SPATA31A1: variants seen among roughly 807,000 people sequenced by gnomAD.
The protein encoded by SPATA31A1 is spermatogenesis-associated protein 31A1.
For missense variants in SPATA31A1, 579 were observed against 1,476.3 expected, an observed-to-expected ratio of 0.39 and a Z score of 9.96; for synonymous variants, 194 against 573.4, an observed-to-expected ratio of 0.34 and a Z score of 9.45.
Position 39,358,651 on chromosome 9 carries a change from T to A in SPATA31A1, c.886T>A (p.Ser296Thr). 6 of 1,607,646 alleles carry A rather than the reference T, an allele frequency of 3.7e-6. No individual in the cohort carries two copies. Among genetic ancestry groups the A allele is most frequent in the Non-Finnish European group, 5.1e-6 (6 of 1,179,662 alleles). ...TARTSCAFNSSVQQDHLSRHP... is the reference protein window; with the variant it reads ...TARTSCAFNSTVQQDHLSRHP... ...CAGAACCTCGTGCGCCTTTAACTCA[T>A]CAGTCCAGCAAGATCATCTTTCCCG... Residue 296 changes from serine (S) to threonine (T), a missense_variant, in exon 4 of 4, where the codon TCA becomes ACA. Physicochemically the swap from Ser to Thr is moderately conservative, Grantham distance 58. Coordinates refer to ENST00000377647, the MANE Select transcript of SPATA31A1 (RefSeq NM_001085452.4).
intron 3 of SPATA31A1, 31 bp from the exon 4 acceptor site, chr9:39,358,043 G>T: frequency 3.5e-6 from 2 of 565,006 alleles, no homozygotes; most frequent in South Asian, 2.1e-5. Context: ...ACCGGCTCCT[G>T]GCTGCAGCTC....
rs1220517183 is a variant in SPATA31A1, at chr9:39,361,828, C to A, written c.*19C>A. On this transcript the variant is annotated 3_prime_UTR_variant, in exon 4 of 4. Transcript: ENST00000377647. The stretch of plus-strand genomic sequence containing the variant: ...TATCTGATTTGGTCAGTCACAAATT[C>A]TTTTTTAGCCTTCCCTGGAGAAAAA... 22 of 1,608,588 alleles carry A rather than the reference C, an allele frequency of 1.4e-5. No homozygotes were observed. Among genetic ancestry groups the A allele is most frequent in the Non-Finnish European group, 1.7e-5 (20 of 1,179,270 alleles).
Position 39,359,183 on chromosome 9 carries a change from C to T in SPATA31A1, c.1418C>T (p.Ser473Phe), listed in dbSNP as rs1167596284. ...CTGCTTTTCCAGGCCCAGCCCCCGT[C>T]CCATCTGGGGCCCGAGTGCCAACCC... ...SPLLFQAQPP[S>F]HLGPECQPFI... The change falls in exon 4 of 4, where the codon TCC becomes TTC. Residue 473 changes from serine (S) to phenylalanine (F), a missense_variant. Physicochemically the swap from Ser to Phe is radical, Grantham distance 155. Coordinates refer to ENST00000377647, the MANE Select transcript of SPATA31A1 (RefSeq NM_001085452.4). 1.2e-6 allele frequency: 2 copies of T among 1,611,770 alleles called. No homozygotes were observed. The highest frequency in any genetic ancestry group is 2.7e-5 in the African/African-American group (2 of 74,658).
chr9:39,361,058 A>G lies in SPATA31A1; in HGVS notation c.3293A>G (p.Lys1098Arg), dbSNP rs781707690. Residue 1098 changes from lysine to arginine, a missense_variant, in exon 4 of 4, where the codon AAG (lysine) becomes AGG (arginine). By Grantham distance (26) the Lys-to-Arg change is conservative. Coordinates refer to ENST00000377647, the MANE Select transcript of SPATA31A1 (RefSeq NM_001085452.4). ...AACCCAAACTGTCAAGGCTCATGCA[A>G]GAACCAAAGGCCAATGTTTCCCCCT... Reference protein sequence around the residue: ...PRNPNCQGSCKNQRPMFPPIH... With the variant: ...PRNPNCQGSCRNQRPMFPPIH... The G allele has an allele frequency of 9.0e-5, 145 of 1,610,664 alleles. 2 individuals are homozygous for G. Among genetic ancestry groups the G allele is most frequent in the Non-Finnish European group, 1.2e-4 (137 of 1,179,424 alleles).
At position 39,361,169 on chromosome 9, in the gene SPATA31A1, C is replaced by T. The variant is rs1347518637; in HGVS notation, c.3404C>T (p.Pro1135Leu). 1.9e-5 allele frequency: 30 copies of T among 1,611,106 alleles called. No homozygotes were observed. The South Asian group carries it at 2.6e-4, about 14-fold the overall frequency. Residue 1135 changes from proline (P) to leucine (L), a missense_variant, in exon 4 of 4, where the codon CCA becomes CTA. Transcript: ENST00000377647. ...LEGLRTPQLT[P>L]VRKTEDTHQD... ...GGATTGAGGACTCCTCAACTTACCC[C>T]AGTCAGGAAAACAGAAGACACCCAT...
In SPATA31A1 at chr9:39,361,016, T is replaced by G. The variant is rs1344619117; in HGVS notation, c.3251T>G (p.Val1084Gly). The G allele has an allele frequency of 1.2e-6, 2 of 1,610,838 alleles. No homozygotes were observed. The highest frequency in any genetic ancestry group is 2.2e-5 in the South Asian group (2 of 90,918). Residue 1084 changes from valine to glycine, a missense_variant, in exon 4 of 4, where the codon GTG becomes GGG. Transcript: ENST00000377647. ...ATGGCAGCCAGAAGGAGCAAACTGG[T>G]GCACGAGGAGCCCAGAAACCCAAAC... ...DLMAARRSKL[V>G]HEEPRNPNCQ...
In SPATA31A1 at chr9:39,361,865, G is replaced by A. The variant is rs1823477639; in HGVS notation, c.*56G>A. 9.3e-6 allele frequency: 15 copies of A among 1,606,016 alleles called. No homozygotes were observed. The East Asian group carries it at 3.3e-4, about 36-fold the overall frequency. ...TCCCTGGAGAAAAAGAAGTCCCCAA[G>A]AAAAAATTCACTCTATGTAGAGAAA... On this transcript the variant is annotated 3_prime_UTR_variant, in exon 4 of 4. Transcript: ENST00000377647.
Position 39,358,717 on chromosome 9 carries a change from T to A in SPATA31A1, c.952T>A (p.Phe318Ile), listed in dbSNP as rs1823389798. 7 of 1,606,694 alleles carry A rather than the reference T, an allele frequency of 4.4e-6. No homozygotes were observed. Among genetic ancestry groups the A allele is most frequent in the Non-Finnish European group, 5.9e-6 (7 of 1,179,744 alleles). The change falls in exon 4 of 4, where the codon TTT becomes ATT. Residue 318 changes from phenylalanine (F) to isoleucine (I), a missense_variant. Coordinates refer to ENST00000377647, the MANE Select transcript of SPATA31A1 (RefSeq NM_001085452.4). ...CTACCAGATGGAAGCTGGTAGCCTGTTTTTGCTCAGCTCTGATGGCCAGAA... is the reference window on the plus strand; with the variant it reads ...CTACCAGATGGAAGCTGGTAGCCTGATTTTGCTCAGCTCTGATGGCCAGAA... The part of the protein sequence containing the change: ...ETYQMEAGSL[F>I]LLSSDGQNAV...
chr9:39,357,007 A>AACC (rs1823346658), intron 1 of SPATA31A1, 125 bp from the exon 2 acceptor site: 1 of 1,044,388 alleles, frequency 9.6e-7, no homozygotes, highest in African/African-American at 1.7e-5. Flanking sequence ...TCCTGAGTGC[A>AACC]GCATGCTGCG....
Position 39,361,667 on chromosome 9 carries a change from G to C in SPATA31A1, c.3902G>C (p.Trp1301Ser). The C allele has an allele frequency of 6.2e-7, 1 of 1,613,120 alleles. No individual in the cohort carries two copies. Among genetic ancestry groups the C allele is most frequent in the South Asian group, 1.1e-5 (1 of 91,022 alleles). ...LKSVRCNNEQ[W>S]GLRHPQILHP... ...AGTGTGCGGTGCAACAATGAGCAAT[G>C]GGGCCTGCGACATCCCCAAATCTTG... Residue 1301 changes from tryptophan (W) to serine (S), a missense_variant, in exon 4 of 4, where the codon TGG (tryptophan) becomes TCG (serine). Transcript: ENST00000377647.
chr9:39,356,429 C>T (rs1306437653), intron 1 of SPATA31A1, among the ~76,000 whole-genome samples: 1 of 123,988 alleles, frequency 8.1e-6, no homozygotes, highest in African/African-American at 3.2e-5. Context: ...GTTCCTGGAG[C>T]AGAGGAACAG....
Position 39,358,804 on chromosome 9 carries a change from G to A in SPATA31A1, c.1039G>A (p.Val347Ile). 1.9e-6 allele frequency: 3 copies of A among 1,598,286 alleles called. No individual in the cohort carries two copies. The highest frequency in any genetic ancestry group is 1.7e-5 in the Admixed American group (1 of 59,998). The change falls in exon 4 of 4, where the codon GTT (valine) becomes ATT (isoleucine). Residue 347 changes from valine (V) to isoleucine (I), a missense_variant. Transcript: ENST00000377647. The part of the protein sequence containing the change: ...KVNIWEEKEN[V>I]GSFTDRMTPE... Reference sequence around the variant, plus strand: ...CAACATTTGGGAAGAAAAAGAAAATGTTGGATCATTTACAGATCGAATGAC... The same window carrying A: ...CAACATTTGGGAAGAAAAAGAAAATATTGGATCATTTACAGATCGAATGAC...
Position 39,361,008 on chromosome 9 carries a change from C to G in SPATA31A1, c.3243C>G (p.Ser1081Arg). The G allele has an allele frequency of 6.2e-7, 1 of 1,610,842 alleles. No homozygotes were observed. Among genetic ancestry groups the G allele is most frequent in the Non-Finnish European group, 8.5e-7 (1 of 1,179,704 alleles). ...ATGACCTTATGGCAGCCAGAAGGAG[C>G]AAACTGGTGCACGAGGAGCCCAGAA... ...ELHDLMAARR[S>R]KLVHEEPRNP... is the part of the protein sequence containing the mutation. The change falls in exon 4 of 4, where the codon AGC (serine) becomes AGG (arginine). Residue 1081 changes from serine to arginine, a missense_variant. Transcript: ENST00000377647.
At chr9:39,356,454 C>T (rs1384972364) in intron 1 of SPATA31A1, among the ~76,000 whole-genome samples, 3 of 123,884 alleles carry the variant, frequency 2.4e-5, no homozygotes, top group South Asian at 2.7e-4. Context: ...TGAAGGTGTC[C>T]GTGGTGGACC....
rs767981580 is a variant in SPATA31A1 at position 39,361,272 on chromosome 9, A to G, written c.3507A>G (p.Gln1169=). ...SVSHFGGNIK[Q]FFQWIFSKKK... The stretch of plus-strand genomic sequence containing the variant: ...GCCACTTTGGAGGAAACATCAAGCA[A>G]TTTTTTCAGTGGATTTTTTCAAAGA... The change falls in exon 4 of 4, where the codon CAA becomes CAG. Residue 1169 remains glutamine (Q), a synonymous_variant. Transcript: ENST00000377647. 17 of 1,612,166 alleles carry G rather than the reference A, an allele frequency of 1.1e-5. No homozygotes were observed. The African/African-American group carries it at 1.5e-4, about 14-fold the overall frequency.
chr9:39,361,105 A>G lies in SPATA31A1; in HGVS notation c.3340A>G (p.Arg1114Gly). ...CCCTATTCACAAGAGTGAGAAGTCT[A>G]GGAAGCCCAACTTAGAAAAACATGA... The part of the protein sequence containing the change: ...FPPIHKSEKS[R>G]KPNLEKHEER... The change falls in exon 4 of 4, where the codon AGG becomes GGG. Residue 1114 changes from arginine (R) to glycine (G), a missense_variant. By Grantham distance (125) the Arg-to-Gly change is moderately radical. Coordinates refer to ENST00000377647, the MANE Select transcript of SPATA31A1 (RefSeq NM_001085452.4). 2 of 1,611,350 alleles carry G rather than the reference A, an allele frequency of 1.2e-6. No individual in the cohort carries two copies. The highest frequency in any genetic ancestry group is 1.7e-6 in the Non-Finnish European group (2 of 1,179,748).
Position 39,361,197 on chromosome 9 carries a change from G to T in SPATA31A1, c.3432G>T (p.Gln1144His), listed in dbSNP as rs1823458422. The change falls in exon 4 of 4, where the codon CAG (glutamine) becomes CAT (histidine). Residue 1144 changes from glutamine (Q) to histidine (H), a missense_variant. Coordinates refer to ENST00000377647, the MANE Select transcript of SPATA31A1 (RefSeq NM_001085452.4). ...TPVRKTEDTHQDEGVQLLPSK... is the reference protein window; with the variant it reads ...TPVRKTEDTHHDEGVQLLPSK... ...TCAGGAAAACAGAAGACACCCATCA[G>T]GATGAAGGCGTCCAGCTACTGCCAT... 6.2e-7 allele frequency: 1 copy of T among 1,611,376 alleles called. No homozygotes were observed.
At position 39,358,509 on chromosome 9, in the gene SPATA31A1, C is replaced by T; in HGVS notation, c.744C>T (p.Gly248=). 1.3e-6 allele frequency: 2 copies of T among 1,577,602 alleles called. No individual in the cohort carries two copies. The highest frequency in any genetic ancestry group is 1.7e-5 in the Admixed American group (1 of 58,124). ...SHCDSVALPL[G]TVPQSLSPHE... ...GTGACTCAGTGGCACTTCCACTGGG[C>T]ACCGTCCCTCAAAGCTTGTCTCCAC... is the stretch of plus-strand genomic sequence containing the variant. Residue 248 remains glycine, a synonymous_variant, in exon 4 of 4, where the codon GGC becomes GGT. Coordinates refer to ENST00000377647, the MANE Select transcript of SPATA31A1 (RefSeq NM_001085452.4).
chr9:39,357,945 G>A, intron 3 of SPATA31A1, 127 bp downstream of exon 3: 2 of 1,597,194 alleles, frequency 1.3e-6, no homozygotes, highest in Non-Finnish European at 1.7e-6. Context: ...TAAAACCCTG[G>A]GGCGAGGGGT....
Sources: gnomAD v4.1 joint callset for allele counts (sites outside exome capture counted in the v4.1 genomes callset) on GRCh38, gnomAD v4.1.1 for gene constraint, MANE v1.5 for transcripts, NCBI Gene and HGNC (gene_info 2026-07-23, HGNC 2026-07-21) for gene names.